Variants in STAB2 observed in about 807,000 individuals in gnomAD.
The protein encoded by STAB2 is stabilin-2.
Under a neutral mutation model 338.1 loss-of-function variants are expected in STAB2, and 288 were observed. The observed-to-expected ratio is 0.85, with a 90% CI of 0.77 to 0.94. The LOEUF is 0.94. Among genes scored for constraint, STAB2 ranks in the 40% least tolerant of loss-of-function variants. The pLI is 0.00. For missense variants in STAB2, 3,141 were observed against 3,210.1 expected (o/e 0.98, Z 0.52); for synonymous variants, 1,202 against 1,193.3 (o/e 1.01, Z -0.15).
intron 18 of STAB2, among the ~76,000 whole-genome samples, chr12:103,664,433 C>T (rs1244231402): frequency 2.0e-5 from 3 of 152,316 alleles, no homozygotes; most frequent in Non-Finnish European, 4.4e-5. Flanking sequence ...CGTGAGCCAC[C>T]GCCCCTGGCC....
chr12:103,746,607 A>G lies in STAB2; in HGVS notation c.6147A>G (p.Ala2049=). 1 of 1,614,092 alleles carries G rather than the reference A, an allele frequency of 6.2e-7. No individual in the cohort carries two copies. Among genetic ancestry groups the G allele is most frequent in the African/African-American group, 1.3e-5 (1 of 75,056 alleles). ...CCCCTTTCTTTGCAGTTTTGCCTGC[A>G]GTGTGTACGCCTCCTTGTTCTGCTC... is the stretch of plus-strand genomic sequence containing the variant. ...PSCDTQAVLP[A]VCTPPCSAHA... Residue 2049 remains alanine (A), a synonymous_variant, in exon 58 of 69, where the codon GCA becomes GCG. Coordinates refer to ENST00000388887, the MANE Select transcript of STAB2 (RefSeq NM_017564.10).
At chr12:103,716,102 C>T (rs1324207538) in intron 43 of STAB2, among the ~76,000 whole-genome samples, 1 of 152,146 alleles carries the variant, frequency 6.6e-6, no homozygotes, top group Non-Finnish European at 1.5e-5. Context: ...AAGGGGCTTC[C>T]CTAGAGTGCG....
intron 63 of STAB2, chr12:103,757,953 G>A (rs972187007): frequency 1.6e-6 from 1 of 615,716 alleles, no homozygotes; most frequent in African/African-American, 1.8e-5. Context: ...GATGGGCTGT[G>A]ACGTGGCTGT....
intron 56 of STAB2, among the ~76,000 whole-genome samples, 164 bp from the exon 57 acceptor site, chr12:103,745,009 T>G (rs1566068955): frequency 6.6e-6 from 1 of 152,190 alleles, no homozygotes; most frequent in Non-Finnish European, 1.5e-5. Flanking sequence ...CCTGTGATAG[T>G]CCCTGAATAA....
In STAB2 at chr12:103,749,117, A is replaced by G; in HGVS notation, c.6399A>G (p.Gly2133=). The part of the protein sequence containing the change: ...EIDPCADGLN[G]GCHEHATCKM... ...ACCCCTGTGCAGACGGCCTTAACGG[A>G]GGGTGTCACGAGCACGCCACCTGTA... Residue 2133 remains glycine, a synonymous_variant, in exon 59 of 69, where the codon GGA becomes GGG. Transcript: ENST00000388887. The G allele has an allele frequency of 1.9e-6, 3 of 1,610,544 alleles. No individual in the cohort carries two copies. The highest frequency in any genetic ancestry group is 2.5e-6 in the Non-Finnish European group (3 of 1,177,292).
rs549201038 is a variant in STAB2, at chr12:103,596,943, AC to A, written c.331+2436del. ...ACTCCAGCCTGGGTAATAGAGTGAGACCCTATCTCAAAAAAAAAAAAAAAAA... is the reference window on the plus strand; with the variant it reads ...ACTCCAGCCTGGGTAATAGAGTGAGACCTATCTCAAAAAAAAAAAAAAAAA... On this transcript the variant is annotated intron_variant, in intron 3 of 68. Coordinates refer to ENST00000388887, the MANE Select transcript of STAB2 (RefSeq NM_017564.10). Among the ~76,000 whole-genome samples, 1,087 of 112,216 alleles carry A rather than the reference AC, an allele frequency of 9.7e-3. 8 individuals are homozygous for A. The highest frequency in any genetic ancestry group is 0.025 in the Middle Eastern group (5 of 202). 73.6% of individuals were successfully genotyped at this position (112,216 alleles called of 152,430 possible).
chr12:103,626,358 G>C (rs749557657), intron 5 of STAB2, among the ~76,000 whole-genome samples: 18 of 152,178 alleles, frequency 1.2e-4, no homozygotes, highest in Non-Finnish European at 2.4e-4. Context: ...ACAATTAAGA[G>C]AACAGGCTTT....
chr12:103,754,433 T>C (rs1172716655), intron 61 of STAB2, among the ~76,000 whole-genome samples: 1 of 152,070 alleles, frequency 6.6e-6, no homozygotes, highest in Non-Finnish European at 1.5e-5. Flanking sequence ...TTTTCTCAAT[T>C]GTATAAGGAT....
Position 103,692,795 on chromosome 12 carries a change from G to A in STAB2, c.3298-17G>A. On this transcript the variant is annotated splice_polypyrimidine_tract_variant and intron_variant, in intron 30 of 68. Coordinates refer to ENST00000388887, the MANE Select transcript of STAB2 (RefSeq NM_017564.10). The stretch of plus-strand genomic sequence containing the variant: ...CTCTATAAAGACTCATCTTCCCACT[G>A]TGGTTTGCATTTACAGAATATCACA... 6.2e-7 allele frequency: 1 copy of A among 1,608,682 alleles called. No homozygotes were observed. The highest frequency in any genetic ancestry group is 1.1e-5 in the South Asian group (1 of 90,682).
At chr12:103,618,486 A>C (rs537799468) in intron 3 of STAB2, among the ~76,000 whole-genome samples, 1 of 152,350 alleles carries the variant, frequency 6.6e-6, no homozygotes, top group South Asian at 2.1e-4. Context: ...TGACTAAGAC[A>C]ACTGCATTTT....
At chr12:103,620,232 G>A (rs1002115883) in intron 3 of STAB2, among the ~76,000 whole-genome samples, 2 of 152,182 alleles carry the variant, frequency 1.3e-5, no homozygotes, top group Admixed American at 1.3e-4. Flanking sequence ...GAAGTGTATA[G>A]CAAACTCTCA....
rs772006897 is a variant in STAB2, at chr12:103,725,057, T to A, written c.4766T>A (p.Ile1589Asn). 2 of 1,613,418 alleles carry A rather than the reference T, an allele frequency of 1.2e-6. No homozygotes were observed. The highest frequency in any genetic ancestry group is 1.7e-6 in the Non-Finnish European group (2 of 1,179,576). ...ACTTGTACTTGCAAGCCAAACTACA[T>A]TGGAGATGGATTTACCTGCCGCGGC... Reference protein sequence around the residue: ...ERTCTCKPNYIGDGFTCRGSI... With the variant: ...ERTCTCKPNYNGDGFTCRGSI... Residue 1589 changes from isoleucine (I) to asparagine (N), a missense_variant, in exon 45 of 69, where the codon ATT becomes AAT. Coordinates refer to ENST00000388887, the MANE Select transcript of STAB2 (RefSeq NM_017564.10).
chr12:103,631,432 T>C (rs577001821), intron 5 of STAB2, among the ~76,000 whole-genome samples, 166 bp from the exon 6 acceptor site: 2 of 74,164 alleles, frequency 2.7e-5, no homozygotes, highest in African/African-American at 5.2e-5. Context: ...CCTATCCATA[T>C]GTTAAACTTA....
At chr12:103,757,115 G>A (rs1049118570) in intron 63 of STAB2, among the ~76,000 whole-genome samples, 43 of 151,090 alleles carry the variant, frequency 2.8e-4, no homozygotes, top group African/African-American at 1.0e-3. Context: ...TCTTAAGAGA[G>A]TCTTGTTGTG....
At chr12:103,617,270 A>C (rs1191341348) in intron 3 of STAB2, among the ~76,000 whole-genome samples, 1 of 152,200 alleles carries the variant, frequency 6.6e-6, no homozygotes, top group African/African-American at 2.4e-5. Context: ...ATAAGAACCA[A>C]GTCTGTATGC....
intron 33 of STAB2, 148 bp downstream of exon 33, chr12:103,695,992 TAC>T (rs1878371851): frequency 4.0e-6 from 3 of 754,342 alleles, no homozygotes; most frequent in Non-Finnish European, 6.6e-6. Flanking sequence ...GACTCTCTCA[TAC>T]ACAAACATCC....
At chr12:103,609,748 A>G (rs1295745366) in intron 3 of STAB2, among the ~76,000 whole-genome samples, 5 of 151,874 alleles carry the variant, frequency 3.3e-5, no homozygotes, top group African/African-American at 1.2e-4. Context: ...GTGAGAGAGG[A>G]CATCCCTGTC....
At position 103,731,558 on chromosome 12, in the gene STAB2, T is replaced by C; in HGVS notation, c.5224-18T>C. ...TGTATAAGGAAAAGTTTCATGCCCA[T>C]TCTTATTATCTTTGCAGCAAAATCT... On this transcript the variant is annotated intron_variant, in intron 49 of 68. Transcript: ENST00000388887. The C allele has an allele frequency of 6.2e-7, 1 of 1,613,192 alleles. No individual in the cohort carries two copies. The highest frequency in any genetic ancestry group is 8.5e-7 in the Non-Finnish European group (1 of 1,179,792).
intron 30 of STAB2, among the ~76,000 whole-genome samples, 162 bp from the exon 31 acceptor site, chr12:103,692,649 GA>G (rs1220840493): frequency 1.3e-5 from 2 of 151,770 alleles, no homozygotes; most frequent in Non-Finnish European, 2.9e-5. Flanking sequence ...GAGAGAGAGA[GA>G]GGGGTCTATG....
Sources: allele counts gnomAD v4.1 joint callset (sites outside exome capture counted in the v4.1 genomes callset), GRCh38; gene constraint gnomAD v4.1.1; transcripts MANE v1.5; gene names NCBI Gene and HGNC (gene_info 2026-07-23, HGNC 2026-07-21).